DOK6: variants seen among roughly 807,000 people sequenced by gnomAD.
The protein encoded by DOK6 is docking protein 6, also known as downstream of tyrosine kinase 6.
In DOK6, 22 loss-of-function variants were observed where a neutral mutation model predicts 44.0. The observed-to-expected ratio is 0.50, with a 90% CI of 0.36 to 0.71. DOK6 has a LOEUF of 0.71. DOK6 is among the 30% of genes least tolerant of loss of function. The pLI, the probability that DOK6 is intolerant of heterozygous loss-of-function variation, is 0.00. For synonymous variants in DOK6, 166 were observed against 145.5 expected, an observed-to-expected ratio of 1.14 and a Z score of -1.01; for missense variants, 340 against 416.4, an observed-to-expected ratio of 0.82 and a Z score of 1.60.
intron 7 of DOK6, among the ~76,000 whole-genome samples, chr18:69,783,789 T>A (rs139361174): frequency 6.9e-4 from 105 of 152,348 alleles, no homozygotes; most frequent in African/African-American, 2.5e-3. Context: ...AAAATTCTTA[T>A]AATTTTCAAT....
chr18:69,506,562 A>G (rs1368633042), intron 1 of DOK6, among the ~76,000 whole-genome samples: 1 of 152,100 alleles, frequency 6.6e-6, no homozygotes, highest in Non-Finnish European at 1.5e-5. Context: ...TTTTCTACAC[A>G]TTTATATTTA....
intron 7 of DOK6, among the ~76,000 whole-genome samples, chr18:69,766,849 A>G (rs1979732392): frequency 6.6e-6 from 1 of 152,114 alleles, no homozygotes; most frequent in Non-Finnish European, 1.5e-5. Context: ...TCCTACTCCT[A>G]TTTATTCCAG....
intron 2 of DOK6, among the ~76,000 whole-genome samples, chr18:69,591,003 T>A (rs913521214): frequency 2.0e-5 from 3 of 152,198 alleles, no homozygotes; most frequent in Non-Finnish European, 4.4e-5. Flanking sequence ...TCATTTTCAC[T>A]GTTTTGGTGC....
rs1982220985 is a variant in DOK6, at chr18:69,841,522, T to G, written c.*139T>G. On this transcript the variant is annotated 3_prime_UTR_variant, in exon 8 of 8. Transcript: ENST00000382713. The stretch of plus-strand genomic sequence containing the variant: ...TCTAGCCCCAGTCCCATTGGAAGGT[T>G]AAAAACTGGAGTTCTGCTTCCTTGA... 2 of 1,183,024 alleles carry G rather than the reference T, an allele frequency of 1.7e-6. No individual in the cohort carries two copies. Among genetic ancestry groups the G allele is most frequent in the Admixed American group, 2.9e-5 (1 of 35,084 alleles). 73.3% of individuals were successfully genotyped at this position (1,183,024 alleles called of 1,614,324 possible).
At chr18:69,825,920 A>G (rs1391008401) in intron 7 of DOK6, among the ~76,000 whole-genome samples, 1 of 151,250 alleles carries the variant, frequency 6.6e-6, no homozygotes. Flanking sequence ...CTTGCCTTGC[A>G]CCTTTGCCTG....
At chr18:69,788,316 C>A (rs1980493650) in intron 7 of DOK6, among the ~76,000 whole-genome samples, 1 of 152,198 alleles carries the variant, frequency 6.6e-6, no homozygotes, top group Admixed American at 6.6e-5. Context: ...ATCTAGAAAT[C>A]TCCTAAGTCA....
At chr18:69,761,159 C>A (rs549072117) in intron 7 of DOK6, among the ~76,000 whole-genome samples, 1 of 149,016 alleles carries the variant, frequency 6.7e-6, no homozygotes, top group Non-Finnish European at 1.5e-5. Context: ...CTCCTGAAAT[C>A]TTACTGGGAA....
At chr18:69,478,289 T>C (rs1174920665) in intron 1 of DOK6, among the ~76,000 whole-genome samples, 2 of 152,184 alleles carry the variant, frequency 1.3e-5, no homozygotes, top group African/African-American at 4.8e-5. Flanking sequence ...TGTTAAATTA[T>C]ATCAGCCATC....
At position 69,834,750 on chromosome 18, in the gene DOK6, A is replaced by C. The variant is rs76204781; in HGVS notation, c.857-6494A>C. Reference sequence around the variant, plus strand: ...AGAGAGCCCTGGGTTGCTTCTACTTACATCTGGTTTTCACATTTACTTAAC... The same window carrying C: ...AGAGAGCCCTGGGTTGCTTCTACTTCCATCTGGTTTTCACATTTACTTAAC... On this transcript the variant is annotated intron_variant, in intron 7 of 7. Coordinates refer to ENST00000382713, the MANE Select transcript of DOK6 (RefSeq NM_152721.6). Among the ~76,000 whole-genome samples the C allele has an allele frequency of 2.5e-3, 386 of 152,350 alleles. 3 individuals are homozygous for C. The highest frequency in any genetic ancestry group is 8.8e-3 in the African/African-American group (366 of 41,594).
At chr18:69,684,930 G>A (rs1986118462) in intron 4 of DOK6, among the ~76,000 whole-genome samples, 1 of 152,058 alleles carries the variant, frequency 6.6e-6, no homozygotes, top group Non-Finnish European at 1.5e-5. Flanking sequence ...AGGAAAGCAG[G>A]GACAAGGAAC....
intron 7 of DOK6, among the ~76,000 whole-genome samples, chr18:69,810,947 G>T (rs568705019): frequency 3.3e-5 from 5 of 152,052 alleles, no homozygotes; most frequent in East Asian, 1.9e-4. Flanking sequence ...TCCCAGTATT[G>T]GTTATTTAGC....
chr18:69,834,293 C>T (rs1981981292), intron 7 of DOK6, among the ~76,000 whole-genome samples: 1 of 152,160 alleles, frequency 6.6e-6, no homozygotes, highest in Admixed American at 6.5e-5. Flanking sequence ...ACAAATATTA[C>T]ACGTTCTCAC....
At chr18:69,757,526 G>A (rs187671816) in intron 6 of DOK6, among the ~76,000 whole-genome samples, 7 of 152,198 alleles carry the variant, frequency 4.6e-5, no homozygotes, top group East Asian at 3.9e-4. Flanking sequence ...GGAATCATTC[G>A]TACCATCTTA....
intron 3 of DOK6, among the ~76,000 whole-genome samples, chr18:69,621,494 A>G (rs955207095): frequency 1.3e-5 from 2 of 152,122 alleles, no homozygotes; most frequent in African/African-American, 4.8e-5. Context: ...TGTTTTGCCA[A>G]ATGTATATGA....
intron 7 of DOK6, among the ~76,000 whole-genome samples, chr18:69,807,638 G>A (rs1344534164): frequency 6.6e-6 from 1 of 151,798 alleles, no homozygotes; most frequent in Non-Finnish European, 1.5e-5. Flanking sequence ...GAGAGCAGGG[G>A]TAGCTATACA....
intron 1 of DOK6, among the ~76,000 whole-genome samples, chr18:69,412,227 G>A (rs1018140932): frequency 1.3e-5 from 2 of 152,062 alleles, no homozygotes; most frequent in Non-Finnish European, 2.9e-5. Context: ...TGGAGGTAGA[G>A]GTCATGTGAT....
chr18:69,530,810 G>A (rs1981963776), intron 1 of DOK6, among the ~76,000 whole-genome samples: 2 of 152,048 alleles, frequency 1.3e-5, no homozygotes, highest in South Asian at 4.1e-4. Context: ...TTCAATTCCT[G>A]GATATTTTTA....
At chr18:69,638,825 G>A (rs886153079) in intron 3 of DOK6, among the ~76,000 whole-genome samples, 1 of 152,134 alleles carries the variant, frequency 6.6e-6, no homozygotes, top group Non-Finnish European at 1.5e-5. Context: ...TAATATACTT[G>A]TTTTTATATA....
At chr18:69,553,575 C>G (rs567320116) in intron 1 of DOK6, among the ~76,000 whole-genome samples, 1 of 152,246 alleles carries the variant, frequency 6.6e-6, no homozygotes, top group South Asian at 2.1e-4. Flanking sequence ...GACTTACTTA[C>G]CCTTCTGTGC....
Sources: gnomAD v4.1 joint callset for allele counts (sites outside exome capture counted in the v4.1 genomes callset) on GRCh38, gnomAD v4.1.1 for gene constraint, MANE v1.5 for transcripts, NCBI Gene and HGNC (gene_info 2026-07-23, HGNC 2026-07-21) for gene names.